The following CRYAB variants were observed in gnomAD, a reference collection of about 807,000 sequenced individuals.
CRYAB encodes alpha-crystallin B chain.
In CRYAB, 9 loss-of-function variants were observed where a neutral mutation model predicts 12.7. The ratio of observed to expected loss-of-function variants is 0.71; its 90% CI spans 0.43 to 1.24. CRYAB has a LOEUF of 1.24. CRYAB is among the 50% of genes most tolerant of loss of function. CRYAB has a pLI of 0.00. For missense variants in CRYAB, 183 were observed against 226.6 expected (o/e 0.81, Z 1.24); for synonymous variants, 93 against 86.8 (o/e 1.07, Z -0.40).
In CRYAB at chr11:111,908,942, T is replaced by TC; in HGVS notation, c.349dup (p.Glu117GlyfsTer11). 1 of 1,614,050 alleles carries TC rather than the reference T, an allele frequency of 6.2e-7. No individual in the cohort carries two copies. The highest frequency in any genetic ancestry group is 8.5e-7 in the Non-Finnish European group (1 of 1,179,998). On this transcript the variant is annotated frameshift_variant, in exon 3 of 3. Coordinates refer to ENST00000650687, the MANE Select transcript of CRYAB (RefSeq NM_001289808.2). LOFTEE classifies it high-confidence loss of function. ...TGGGATCCGGTATTTCCTGTGGAAC[T>TC]CCCTGGAGATGAAACCATGTTCATC...
intron 1 of CRYAB, among the ~76,000 whole-genome samples, chr11:111,921,625 G>A (rs1288673984): frequency 6.6e-6 from 1 of 152,192 alleles, no homozygotes; most frequent in Non-Finnish European, 1.5e-5. Context: ...AGCTTCTAGA[G>A]AAGGAGATGT....
chr11:111,913,467 C>T (rs782506463), upstream of CRYAB: 1 of 1,611,314 alleles, frequency 6.2e-7, no homozygotes, highest in Non-Finnish European at 8.5e-7. Context: ...GATCCTGACC[C>T]CCACACTCTA....
upstream of CRYAB, chr11:111,914,243 C>T (rs587737033): frequency 5.4e-5 from 13 of 239,938 alleles, no homozygotes; most frequent in South Asian, 1.2e-3. Flanking sequence ...AGATCACACC[C>T]GGAAGCTGAC....
At chr11:111,910,214 C>T (rs782138793) in intron 2 of CRYAB, 113 bp downstream of exon 2, 5 of 1,314,832 alleles carry the variant, frequency 3.8e-6, no homozygotes, top group South Asian at 1.2e-5. Flanking sequence ...CTGATCCCGA[C>T]TGTTATGGCT....
chr11:111,910,597 CAT>C (rs1566406792), intron 1 of CRYAB, 148 bp from the exon 2 acceptor site: 1 of 1,029,466 alleles, frequency 9.7e-7, no homozygotes, highest in Non-Finnish European at 1.5e-6. Context: ...TTTAAATAAA[CAT>C]AGCTGTCTGC....
At chr11:111,914,951 T>A (rs1290192341), upstream of CRYAB, among the ~76,000 whole-genome samples, 1 of 152,126 alleles carries the variant, frequency 6.6e-6, no homozygotes, top group African/African-American at 2.4e-5. Flanking sequence ...GGTGCATGCC[T>A]GTAGTCCCAG....
In CRYAB at chr11:111,909,957, G is replaced by A. The variant is rs1965400853; in HGVS notation, c.324+370C>T. ...TTAAAAATGCTGATTTAATTGGTCTGGAGTAGTGCTCGCTTCGGCAGCACA... is the reference window on the plus strand; with the variant it reads ...TTAAAAATGCTGATTTAATTGGTCTAGAGTAGTGCTCGCTTCGGCAGCACA... On this transcript the variant is annotated intron_variant, in intron 2 of 2. Coordinates refer to ENST00000650687, the MANE Select transcript of CRYAB (RefSeq NM_001289808.2). 2.2e-5 allele frequency: 13 copies of A among 589,938 alleles called. No individual in the cohort carries two copies. The East Asian group carries it at 3.7e-4, about 17-fold the overall frequency. The allele number at this position is 589,938 out of a possible 1,614,324, so 36.5% of individuals were successfully genotyped here.
At chr11:111,912,329 A>G (rs930907467), upstream of CRYAB, 7 of 190,118 alleles carry the variant, frequency 3.7e-5, no homozygotes, top group Admixed American at 1.1e-4. Context: ...GGGCAGAAAG[A>G]CCCCACCCCC....
chr11:111,916,726 A>G (rs1329006951), upstream of CRYAB, among the ~76,000 whole-genome samples: 1 of 152,178 alleles, frequency 6.6e-6, no homozygotes, highest in Non-Finnish European at 1.5e-5. Flanking sequence ...GGCTTCTATT[A>G]ATGCTGCTTT....
At chr11:111,912,766 G>A, upstream of CRYAB, 2 of 1,339,594 alleles carry the variant, frequency 1.5e-6, no homozygotes, top group Non-Finnish European at 2.1e-6. Flanking sequence ...CGGGCAGCTG[G>A]AGGGGTCGCG....
upstream of CRYAB, among the ~76,000 whole-genome samples, chr11:111,914,632 G>A (rs1194916165): frequency 2.0e-5 from 3 of 152,150 alleles, no homozygotes; most frequent in Non-Finnish European, 4.4e-5. Flanking sequence ...GGTGTATTCA[G>A]GAAAGCCTGA....
chr11:111,913,602 G>A, upstream of CRYAB: 4 of 1,614,198 alleles, frequency 2.5e-6, no homozygotes, highest in Non-Finnish European at 3.4e-6. Flanking sequence ...CTTTACCCCA[G>A]ACGAGGTGAC....
upstream of CRYAB, among the ~76,000 whole-genome samples, chr11:111,917,329 A>C (rs781814443): frequency 4.6e-5 from 7 of 152,194 alleles, no homozygotes; most frequent in Non-Finnish European, 7.3e-5. Flanking sequence ...AGTGGGTAAC[A>C]AGATGAAAAG....
intron 1 of CRYAB, chr11:111,918,720 T>A (rs782076493): frequency 2.3e-5 from 16 of 682,940 alleles, no homozygotes; most frequent in Middle Eastern, 4.6e-4. Flanking sequence ...CATGGCTTCA[T>A]CAAAAGACGC....
chr11:111,911,028 T>C (rs1295916200), intron 1 of CRYAB: 1 of 224,678 alleles, frequency 4.5e-6, no homozygotes, highest in East Asian at 1.1e-4. Flanking sequence ...TAGGGCTTGA[T>C]TGGACCCAGG....
upstream of CRYAB, chr11:111,917,996 GA>G (rs1384984859): frequency 6.6e-6 from 1 of 152,152 alleles, no homozygotes; most frequent in Non-Finnish European, 1.5e-5. Flanking sequence ...TTCATAAGAG[GA>G]GGAGTTCAAA....
rs781805876 is a variant in CRYAB at position 111,919,023 on chromosome 11, C to A, written c.-199+4680G>T. ...GAAGCTGGTGAGTAGGCTGGAAGGG[C>A]AAAGGGGAACATCTATCTCTGTTGG... On this transcript the variant is annotated intron_variant, in intron 1 of 3. Coordinates refer to the CRYAB transcript ENST00000527950. 5 of 1,613,884 alleles carry A rather than the reference C, an allele frequency of 3.1e-6. No individual in the cohort carries two copies. In the South Asian group the frequency reaches 5.5e-5, roughly 18 times the overall value.
chr11:111,910,748 G>T, intron 1 of CRYAB: 1 of 463,678 alleles, frequency 2.2e-6, no homozygotes, highest in Non-Finnish European at 4.0e-6. Context: ...CTGCCTCTCT[G>T]ACTCCAATGC....
upstream of CRYAB, chr11:111,912,689 CAA>C: frequency 5.6e-6 from 3 of 535,176 alleles, no homozygotes; most frequent in Non-Finnish European, 6.7e-6. Flanking sequence ...CCTCCCCCCC[CAA>C]GAGGCTCGGC....
Sources: allele counts gnomAD v4.1 joint callset (sites outside exome capture counted in the v4.1 genomes callset), GRCh38; gene constraint gnomAD v4.1.1; transcripts MANE v1.5; gene names NCBI Gene and HGNC (gene_info 2026-07-23, HGNC 2026-07-21).